The following ZRANB2 variants were observed in gnomAD, a reference collection of about 807,000 sequenced individuals.
ZRANB2 encodes zinc finger RANBP2-type containing 2, also known as zinc finger Ran-binding domain-containing protein 2.
In ZRANB2, 19 loss-of-function variants were observed where a neutral mutation model predicts 53.4. That is an observed-to-expected ratio of 0.36 (90% CI 0.25 to 0.52). The LOEUF (loss-of-function observed/expected upper bound fraction) is 0.52, where lower values mean the gene tolerates loss of function less well. Ranked by LOEUF, ZRANB2 falls within the 20% of genes least tolerant of loss-of-function variation. The pLI, the probability that ZRANB2 is intolerant of heterozygous loss-of-function variation, is 0.93. For missense variants in ZRANB2, 309 were observed against 401.1 expected, an observed-to-expected ratio of 0.77 and a Z score of 1.96; for synonymous variants, 145 against 134.8, an observed-to-expected ratio of 1.08 and a Z score of -0.52.
At chr1:71,076,899 A>C in intron 3 of ZRANB2, 22 bp from the exon 4 acceptor site, 1 of 1,553,322 alleles carries the variant, frequency 6.4e-7, no homozygotes, top group Non-Finnish European at 8.9e-7. Context: ...AAAAATACTA[A>C]ATTAGTAGGC....
chr1:71,067,945 T>C (rs567123813), intron 8 of ZRANB2, among the ~76,000 whole-genome samples: 1 of 151,302 alleles, frequency 6.6e-6, no homozygotes, highest in East Asian at 2.0e-4. Context: ...AGCATAAGCA[T>C]GGCTCACTGC....
intron 3 of ZRANB2, among the ~76,000 whole-genome samples, chr1:71,078,169 T>C (rs927628514): frequency 6.6e-6 from 1 of 152,204 alleles, no homozygotes; most frequent in African/African-American, 2.4e-5. Flanking sequence ...TAATAGGCCT[T>C]AGTACTTTTA....
Position 71,080,927 on chromosome 1 carries a change from T to A in ZRANB2, c.56+13A>T, listed in dbSNP as rs776065764. 9 of 1,614,138 alleles carry A rather than the reference T, an allele frequency of 5.6e-6. No homozygotes were observed. The Admixed American group carries it at 1.5e-4, about 27-fold the overall frequency. On this transcript the variant is annotated intron_variant, in intron 1 of 9. Coordinates refer to ENST00000370920, the MANE Select transcript of ZRANB2 (RefSeq NM_203350.3). Reference sequence around the variant, plus strand: ...CAAACTCCGTCCCAATTCAGGACCCTTCTTGAACTCACTTTTTGTCAGGGC... The same window carrying A: ...CAAACTCCGTCCCAATTCAGGACCCATCTTGAACTCACTTTTTGTCAGGGC...
In ZRANB2 at chr1:71,075,982, T is replaced by C. The variant is rs1249449605; in HGVS notation, c.301+813A>G. The stretch of plus-strand genomic sequence containing the variant: ...TCGAAAAGATTGAACAGTGGCCCTC[T>C]GATCCCTAGAAACTAAACAGACAAT... On this transcript the variant is annotated intron_variant, in intron 4 of 9. Transcript: ENST00000370920. Among the ~76,000 whole-genome samples, 5 of 152,226 alleles carry C rather than the reference T, an allele frequency of 3.3e-5. No homozygotes were observed. In the East Asian group the frequency reaches 9.7e-4, roughly 29 times the overall value.
Position 71,064,791 on chromosome 1 carries a change from T to G in ZRANB2, c.*283A>C, listed in dbSNP as rs988379292. 7 of 236,454 alleles carry G rather than the reference T, an allele frequency of 3.0e-5. No homozygotes were observed. The highest frequency in any genetic ancestry group is 4.9e-5 in the Non-Finnish European group (6 of 122,026). The allele number at this position is 236,454 out of a possible 1,614,324, so 14.6% of individuals were successfully genotyped here. ...TATTTGGAAATGACAAAAATGGGTT[T>G]AAATTAGGAAGCAAAGTACTTTGTT... On this transcript the variant is annotated 3_prime_UTR_variant, in exon 10 of 10. Transcript: ENST00000370920.
chr1:71,075,661 C>T (rs113665557), intron 4 of ZRANB2, among the ~76,000 whole-genome samples: 2,969 of 151,854 alleles, frequency 0.02, 94 homozygotes, highest in African/African-American at 0.068. Flanking sequence ...ACAGAATAAA[C>T]AATCAATCAA....
chr1:71,072,041 G>T, intron 6 of ZRANB2, 80 bp downstream of exon 6: 1 of 1,529,024 alleles, frequency 6.5e-7, no homozygotes, highest in Non-Finnish European at 8.7e-7. Flanking sequence ...TTCACCAAGT[G>T]TCTGAGGCTG....
chr1:71,070,640 A>G (rs1048544465), intron 7 of ZRANB2, among the ~76,000 whole-genome samples, 187 bp downstream of exon 7: 2 of 152,190 alleles, frequency 1.3e-5, no homozygotes, highest in African/African-American at 4.8e-5. Flanking sequence ...CTAAGACTTT[A>G]CTTTTCTAAA....
chr1:71,066,406 T>C (rs1661438730), intron 9 of ZRANB2: 1 of 164,678 alleles, frequency 6.1e-6, no homozygotes, highest in Non-Finnish European at 1.3e-5. Context: ...TATTAGATGC[T>C]CTAGAATTCT....
rs775210467 is a variant in ZRANB2 at position 71,078,447 on chromosome 1, A to C, written c.218+10T>G. 3.1e-6 allele frequency: 5 copies of C among 1,608,058 alleles called. No homozygotes were observed. The highest frequency in any genetic ancestry group is 4.3e-6 in the Non-Finnish European group (5 of 1,175,998). On this transcript the variant is annotated intron_variant, in intron 3 of 9. Transcript: ENST00000370920. ...GGAAGAAAGAGCAGACAATAATTTAAAAAACATACGTTTTACATTGCCAGT... is the reference window on the plus strand; with the variant it reads ...GGAAGAAAGAGCAGACAATAATTTACAAAACATACGTTTTACATTGCCAGT...
intron 8 of ZRANB2, among the ~76,000 whole-genome samples, chr1:71,068,170 A>G (rs749539393): frequency 4.7e-4 from 71 of 151,932 alleles, no homozygotes; most frequent in Non-Finnish European, 9.0e-4. Flanking sequence ...TGGCCTTGTT[A>G]TCTATTTCTT....
intron 7 of ZRANB2, among the ~76,000 whole-genome samples, chr1:71,069,913 G>C (rs180752683): frequency 2.6e-5 from 4 of 152,094 alleles, no homozygotes; most frequent in Admixed American, 2.6e-4. Context: ...AGGGAGACAT[G>C]GTTCGTACAA....
chr1:71,075,161 A>C (rs2101049473), intron 4 of ZRANB2, among the ~76,000 whole-genome samples: 1 of 152,312 alleles, frequency 6.6e-6, no homozygotes, highest in South Asian at 2.1e-4. Context: ...GGGTTTTTTA[A>C]AAAAGGATTT....
intron 9 of ZRANB2, chr1:71,065,892 C>T: frequency 7.9e-7 from 1 of 1,268,272 alleles, no homozygotes; most frequent in Non-Finnish European, 1.1e-6. Flanking sequence ...ATTTTTTTTA[C>T]AAAGAAACAA....
At position 71,064,243 on chromosome 1, in the gene ZRANB2, A is replaced by T. The variant is rs779770021; in HGVS notation, c.*831T>A. The T allele has an allele frequency of 5.9e-5, 9 of 152,206 alleles. No individual in the cohort carries two copies. Among genetic ancestry groups the T allele is most frequent in the Non-Finnish European group, 1.3e-4 (9 of 67,896 alleles). 9.4% of individuals were successfully genotyped at this position (152,206 alleles called of 1,614,324 possible). On this transcript the variant is annotated 3_prime_UTR_variant, in exon 10 of 10. Transcript: ENST00000370920. ...AAAGAGAAATATACTTTAAAAGCTT[A>T]CTTCAATTTGCTCATTAAGTATGAT...
At chr1:71,074,741 A>G (rs1188453036) in intron 4 of ZRANB2, among the ~76,000 whole-genome samples, 1 of 41,658 alleles carries the variant, frequency 2.4e-5, no homozygotes, top group Admixed American at 3.5e-4. Flanking sequence ...ATTTGATGGA[A>G]TTATGCAGGA....
chr1:71,075,243 C>T (rs1254549685), intron 4 of ZRANB2, among the ~76,000 whole-genome samples: 1 of 151,886 alleles, frequency 6.6e-6, no homozygotes, highest in Non-Finnish European at 1.5e-5. Context: ...TAATTCTTTG[C>T]CTAGGGTGGT....
chr1:71,080,853 A>T, intron 1 of ZRANB2, 87 bp downstream of exon 1: 1 of 1,517,514 alleles, frequency 6.6e-7, no homozygotes, highest in Non-Finnish European at 9.2e-7. Flanking sequence ...AGGCACAGAA[A>T]ATCATAAAAA....
chr1:71,077,983 T>A (rs1661746862), intron 3 of ZRANB2, among the ~76,000 whole-genome samples: 1 of 152,216 alleles, frequency 6.6e-6, no homozygotes, highest in South Asian at 2.1e-4. Flanking sequence ...CAATGAAGAA[T>A]TAAATCTAAG....
Sources: allele counts gnomAD v4.1 joint callset (sites outside exome capture counted in the v4.1 genomes callset), GRCh38; gene constraint gnomAD v4.1.1; transcripts MANE v1.5; gene names NCBI Gene and HGNC (gene_info 2026-07-23, HGNC 2026-07-21).